SMAD9: variants seen among roughly 807,000 people sequenced by gnomAD.
The protein encoded by SMAD9 is SMAD family member 9.
SMAD9 carries 36 observed loss-of-function variants against 46.1 expected under a neutral mutation model. That is an observed-to-expected ratio of 0.78 (90% CI 0.60 to 1.03). SMAD9 has a LOEUF of 1.03. SMAD9 is among the 50% of genes least tolerant of loss of function. The probability of loss-of-function intolerance (pLI) is 0.00; values close to 1 mark genes in which losing one functional copy is unlikely to be tolerated. For synonymous variants in SMAD9, 245 were observed against 237.1 expected (o/e 1.03, Z -0.31); for missense variants, 572 against 599.8 (o/e 0.95, Z 0.48).
intron 1 of SMAD9, among the ~76,000 whole-genome samples, chr13:36,913,384 C>A (rs979102140): frequency 9.2e-5 from 14 of 152,068 alleles, no homozygotes; most frequent in African/African-American, 2.9e-4. Context: ...AGGGTAGACA[C>A]AATAGACACA....
intron 1 of SMAD9, among the ~76,000 whole-genome samples, chr13:36,890,513 C>CGACAT (rs1413556567): frequency 6.6e-6 from 1 of 152,046 alleles, no homozygotes; most frequent in Admixed American, 6.6e-5. Context: ...CCCAGCATGT[C>CGACAT]CTTCAGAAAA....
rs184294659 is a variant in SMAD9, at chr13:36,906,797, C to T, written c.-187+13319G>A. Among the ~76,000 whole-genome samples, 3 of 152,218 alleles carry T rather than the reference C, an allele frequency of 2.0e-5. No homozygotes were observed. The East Asian group carries it at 5.8e-4, about 29-fold the overall frequency. On this transcript the variant is annotated intron_variant, in intron 1 of 6. Transcript: ENST00000379826. ...AAAATCAAGGATGTGCAAAAATTTG[C>T]ACATTGTTGATGAGAATGTAAAATG...
chr13:36,875,970 T>TA (rs993708294), intron 2 of SMAD9, among the ~76,000 whole-genome samples: 1 of 152,230 alleles, frequency 6.6e-6, no homozygotes, highest in African/African-American at 2.4e-5. Context: ...TTCATCCTAG[T>TA]TGTTATTTGA....
chr13:36,885,042 C>G (rs1210019903), intron 1 of SMAD9, among the ~76,000 whole-genome samples: 1 of 152,090 alleles, frequency 6.6e-6, no homozygotes, highest in African/African-American at 2.4e-5. Flanking sequence ...CAATTTTGAC[C>G]CGCTAATCCA....
intron 1 of SMAD9, among the ~76,000 whole-genome samples, chr13:36,880,470 A>G (rs1305973056): frequency 6.6e-6 from 1 of 152,216 alleles, no homozygotes; most frequent in East Asian, 1.9e-4. Context: ...TAGAAAATAA[A>G]TACTAATGAA....
At chr13:36,871,638 C>A (rs2058296324) in intron 3 of SMAD9, among the ~76,000 whole-genome samples, 1 of 152,184 alleles carries the variant, frequency 6.6e-6, no homozygotes, top group Non-Finnish European at 1.5e-5. Flanking sequence ...AAAAAGAAGG[C>A]TCGCTGTTCA....
At chr13:36,859,074 G>A (rs1302099770) in intron 5 of SMAD9, among the ~76,000 whole-genome samples, 1 of 152,194 alleles carries the variant, frequency 6.6e-6, no homozygotes. Context: ...CTTGTTTTCA[G>A]TTAATAATAT....
chr13:36,912,409 A>G (rs1460131767), intron 1 of SMAD9, among the ~76,000 whole-genome samples: 1 of 152,176 alleles, frequency 6.6e-6, no homozygotes, highest in Admixed American at 6.5e-5. Context: ...AAGATAAGAC[A>G]TGGTCCCTTT....
intron 2 of SMAD9, among the ~76,000 whole-genome samples, chr13:36,878,546 CATT>C (rs1213424672): frequency 3.3e-5 from 5 of 152,194 alleles, no homozygotes; most frequent in Admixed American, 6.5e-5. Flanking sequence ...GTATTTCCAT[CATT>C]AAGTGATACC....
At position 36,850,848 on chromosome 13, in the gene SMAD9, A is replaced by C. The variant is rs116779079; in HGVS notation, c.1261-2029T>G. ...CAGCAACTCCACTTGAATGCAACGGACATCTCAATTACACCTGCGTCTTCT... is the reference window on the plus strand; with the variant it reads ...CAGCAACTCCACTTGAATGCAACGGCCATCTCAATTACACCTGCGTCTTCT... On this transcript the variant is annotated intron_variant, in intron 6 of 6. Coordinates refer to ENST00000379826, the MANE Select transcript of SMAD9 (RefSeq NM_001127217.3). 4.3e-3 allele frequency among the ~76,000 whole-genome samples: 651 copies of C among 152,302 alleles called. 6 individuals carry two copies. Among genetic ancestry groups the C allele is most frequent in the African/African-American group, 0.015 (615 of 41,552 alleles).
intron 2 of SMAD9, among the ~76,000 whole-genome samples, chr13:36,874,968 A>G (rs922016123): frequency 4.0e-5 from 6 of 151,436 alleles, no homozygotes; most frequent in Non-Finnish European, 1.5e-5. Context: ...ATTATCTAAA[A>G]GGTGATAAAT....
chr13:36,900,033 G>A (rs2058561060), intron 1 of SMAD9, among the ~76,000 whole-genome samples: 1 of 152,128 alleles, frequency 6.6e-6, no homozygotes, highest in Non-Finnish European at 1.5e-5. Context: ...TGGCATATTA[G>A]AATGATCCTG....
intron 5 of SMAD9, among the ~76,000 whole-genome samples, chr13:36,856,947 C>T (rs899353586): frequency 4.0e-5 from 6 of 151,816 alleles, no homozygotes. Flanking sequence ...GGATTACAGG[C>T]GCCTGCCACC....
At chr13:36,866,836 C>T (rs1348752844) in intron 4 of SMAD9, among the ~76,000 whole-genome samples, 9 of 152,064 alleles carry the variant, frequency 5.9e-5, no homozygotes, top group Non-Finnish European at 1.3e-4. Flanking sequence ...ACATTAAGGT[C>T]GAGCAACACT....
chr13:36,875,805 G>A (rs1191254635), intron 2 of SMAD9, among the ~76,000 whole-genome samples: 1 of 152,156 alleles, frequency 6.6e-6, no homozygotes, highest in Non-Finnish European at 1.5e-5. Context: ...CCATCTGAAT[G>A]TAGAGACTTC....
chr13:36,905,040 C>T (rs977249256), intron 1 of SMAD9, among the ~76,000 whole-genome samples: 3 of 152,198 alleles, frequency 2.0e-5, no homozygotes, highest in African/African-American at 4.8e-5. Flanking sequence ...TGAGGGAAGA[C>T]GGAGATGATT....
chr13:36,869,857 T>C (rs184332836), intron 3 of SMAD9, among the ~76,000 whole-genome samples: 48 of 152,266 alleles, frequency 3.2e-4, no homozygotes, highest in African/African-American at 1.2e-3. Flanking sequence ...AAACAAATTT[T>C]GTGTTAGATA....
chr13:36,891,211 A>G (rs1255324003), intron 1 of SMAD9, among the ~76,000 whole-genome samples: 2 of 148,622 alleles, frequency 1.3e-5, no homozygotes, highest in African/African-American at 2.6e-5. Flanking sequence ...ATTTCTAAAA[A>G]GCCCTTTAAA....
At chr13:36,865,499 C>T (rs762489997) in intron 5 of SMAD9, 38 bp downstream of exon 5, 51 of 1,531,180 alleles carry the variant, frequency 3.3e-5, no homozygotes, top group South Asian at 2.8e-4. Flanking sequence ...ATCTACATTT[C>T]GGCTAGATGA....
Sources: allele counts gnomAD v4.1 joint callset (sites outside exome capture counted in the v4.1 genomes callset), GRCh38; gene constraint gnomAD v4.1.1; transcripts MANE v1.5; gene names NCBI Gene and HGNC (gene_info 2026-07-23, HGNC 2026-07-21).